The following ABCD3 variants were observed in gnomAD, a reference collection of about 807,000 sequenced individuals.
ABCD3 encodes ATP binding cassette subfamily D member 3.
In ABCD3, 41 loss-of-function variants were observed where a neutral mutation model predicts 105.5. The observed-to-expected ratio is 0.39, with a 90% CI of 0.30 to 0.50. The LOEUF (loss-of-function observed/expected upper bound fraction) is 0.50, where lower values mean the gene tolerates loss of function less well. ABCD3 is among the 20% of genes least tolerant of loss of function. ABCD3 has a pLI of 0.84. For synonymous variants in ABCD3, 258 were observed against 269.0 expected (o/e 0.96, Z 0.40); for missense variants, 622 against 806.3 (o/e 0.77, Z 2.77).
At chr1:94,431,214 G>A (rs1659666224) in intron 1 of ABCD3, among the ~76,000 whole-genome samples, 1 of 151,950 alleles carries the variant, frequency 6.6e-6, no homozygotes, top group Non-Finnish European at 1.5e-5. Flanking sequence ...GGCTAAAAAA[G>A]GTAAAAATAT....
chr1:94,498,803 A>G lies in ABCD3; in HGVS notation c.1485A>G (p.Gly495=), dbSNP rs745756907. ...VLGELWPLFG[G]RLTKPERGKL... Reference sequence around the variant, plus strand: ...AATAGTTATGGCCTCTTTTTGGAGGACGTCTAACTAAACCTGAAAGAGGAA... The same window carrying G: ...AATAGTTATGGCCTCTTTTTGGAGGGCGTCTAACTAAACCTGAAAGAGGAA... Residue 495 remains glycine, a synonymous_variant, in exon 18 of 23, where the codon GGA becomes GGG. Coordinates refer to ENST00000370214, the MANE Select transcript of ABCD3 (RefSeq NM_002858.4). The G allele has an allele frequency of 6.2e-7, 1 of 1,613,730 alleles. No homozygotes were observed. The highest frequency in any genetic ancestry group is 8.5e-7 in the Non-Finnish European group (1 of 1,179,908).
the ABCD3 span, among the ~76,000 whole-genome samples, chr1:94,405,282 T>A: frequency 6.6e-6 from 1 of 151,116 alleles, no homozygotes; most frequent in Non-Finnish European, 1.5e-5. Context: ...ATTTTCTCCA[T>A]ACCTTGCCAC....
intron 16 of ABCD3, among the ~76,000 whole-genome samples, chr1:94,492,368 AATTTAT>A (rs1649575649): frequency 6.6e-6 from 1 of 152,198 alleles, no homozygotes; most frequent in Admixed American, 6.6e-5. Flanking sequence ...TGCTCTTAGT[AATTTAT>A]ATTAAGCACA....
the ABCD3 span, among the ~76,000 whole-genome samples, chr1:94,390,034 A>G: frequency 6.6e-6 from 1 of 152,204 alleles, no homozygotes; most frequent in African/African-American, 2.4e-5. Context: ...CTTTCTATGT[A>G]TAAATGAACT....
Position 94,491,333 on chromosome 1 carries a change from T to G in ABCD3, c.1386+86T>G, listed in dbSNP as rs976667445. ...ATTACCTGAATATTTAAAGTAACTT[T>G]AAGGCTCGACTTAGTCTCTGAATCC... On this transcript the variant is annotated intron_variant, in intron 16 of 22. Coordinates refer to ENST00000370214, the MANE Select transcript of ABCD3 (RefSeq NM_002858.4). 3 of 1,026,372 alleles carry G rather than the reference T, an allele frequency of 2.9e-6. No homozygotes were observed. The African/African-American group carries it at 4.8e-5, about 16-fold the overall frequency. 63.6% of individuals were successfully genotyped at this position (1,026,372 alleles called of 1,614,324 possible).
intron 20 of ABCD3, among the ~76,000 whole-genome samples, chr1:94,501,753 T>C (rs921656248): frequency 1.6e-4 from 24 of 152,352 alleles, no homozygotes; most frequent in African/African-American, 5.3e-4. Flanking sequence ...TTTTGAATTA[T>C]GAAAAAGTAT....
the ABCD3 span, among the ~76,000 whole-genome samples, chr1:94,400,295 C>T: frequency 4.0e-5 from 6 of 151,582 alleles, no homozygotes; most frequent in African/African-American, 1.2e-4. Flanking sequence ...ACCTCAGCTA[C>T]TCAGGAGGTT....
the ABCD3 span, among the ~76,000 whole-genome samples, chr1:94,389,210 AG>A: frequency 6.6e-6 from 1 of 152,230 alleles, no homozygotes; most frequent in Admixed American, 6.5e-5. Flanking sequence ...TGGTTACTAC[AG>A]TGATGCCTAA....
intron 9 of ABCD3, chr1:94,482,455 T>C (rs1272782750): frequency 1.3e-5 from 2 of 152,250 alleles, no homozygotes; most frequent in East Asian, 1.9e-4. Context: ...TCCTGTGTAA[T>C]AGAAAGACTA....
chr1:94,465,340 A>G (rs902278252), intron 3 of ABCD3, among the ~76,000 whole-genome samples: 1 of 152,224 alleles, frequency 6.6e-6, no homozygotes, highest in African/African-American at 2.4e-5. Flanking sequence ...CAGTAAAATC[A>G]TAACACTTTG....
chr1:94,407,598 C>CGTGATTTGTGATTTGTGATTTG, the ABCD3 span, among the ~76,000 whole-genome samples: 1 of 152,098 alleles, frequency 6.6e-6, no homozygotes. Flanking sequence ...TATCTTACAA[C>CGTGATTTGTGATTTGTGATTTG]TGGTTGTGAT....
intron 1 of ABCD3, among the ~76,000 whole-genome samples, chr1:94,457,348 G>T (rs561082971): frequency 3.3e-5 from 5 of 152,138 alleles, no homozygotes; most frequent in East Asian, 1.9e-4. Flanking sequence ...TAAAATAAGC[G>T]CATCTATTGT....
At chr1:94,402,798 CT>C in the ABCD3 span, among the ~76,000 whole-genome samples, 5 of 151,578 alleles carry the variant, frequency 3.3e-5, no homozygotes, top group East Asian at 3.9e-4. Context: ...TACTTCCTCT[CT>C]TTTTTTTTCT....
At chr1:94,414,117 A>G (rs1397761723), upstream of ABCD3, among the ~76,000 whole-genome samples, 2 of 152,144 alleles carry the variant, frequency 1.3e-5, no homozygotes, top group African/African-American at 4.8e-5. Flanking sequence ...AAGTGCCAAG[A>G]TAGGAGTTAG....
chr1:94,444,225 A>G (rs930674079), intron 1 of ABCD3, among the ~76,000 whole-genome samples: 1 of 150,210 alleles, frequency 6.7e-6, no homozygotes, highest in African/African-American at 2.4e-5. Context: ...CAAGCTACTT[A>G]GGAGGCTGAG....
rs1231372762 is a variant in ABCD3, at chr1:94,487,742, A to G, written c.1016A>G (p.Asp339Gly). The G allele has an allele frequency of 1.9e-6, 3 of 1,613,930 alleles. No homozygotes were observed. The highest frequency in any genetic ancestry group is 2.2e-5 in the East Asian group (1 of 44,878). Residue 339 changes from aspartate to glycine, a missense_variant, in exon 12 of 23, where the codon GAT (aspartate) becomes GGT (glycine). Coordinates refer to ENST00000370214, the MANE Select transcript of ABCD3 (RefSeq NM_002858.4). ...GYLVVSRPFLDLSHPRHLKST... is the reference protein window; with the variant it reads ...GYLVVSRPFLGLSHPRHLKST... Reference sequence around the variant, plus strand: ...CTAGTTGTCAGTCGCCCTTTCTTAGATTTGTCTCATCCTCGACATCTCAAG... The same window carrying G: ...CTAGTTGTCAGTCGCCCTTTCTTAGGTTTGTCTCATCCTCGACATCTCAAG...
intron 1 of ABCD3, among the ~76,000 whole-genome samples, chr1:94,444,477 T>C (rs1660270439): frequency 6.6e-6 from 1 of 152,196 alleles, no homozygotes; most frequent in African/African-American, 2.4e-5. Context: ...TTTTATTTAT[T>C]TTAAATTATT....
the ABCD3 span, among the ~76,000 whole-genome samples, chr1:94,389,929 G>A: frequency 2.0e-5 from 3 of 152,212 alleles, no homozygotes. Flanking sequence ...TCTGTAGAAT[G>A]TCAAGATAGC....
the ABCD3 span, among the ~76,000 whole-genome samples, chr1:94,392,731 C>T: frequency 2.2e-4 from 33 of 152,066 alleles, no homozygotes; most frequent in African/African-American, 8.0e-4. Flanking sequence ...AACAACTGTG[C>T]CTTCTGCTAA....
Sources: gnomAD v4.1 joint callset for allele counts (sites outside exome capture counted in the v4.1 genomes callset) on GRCh38, gnomAD v4.1.1 for gene constraint, MANE v1.5 for transcripts, NCBI Gene and HGNC (gene_info 2026-07-23, HGNC 2026-07-21) for gene names.